Variants in SYNE1 observed in about 807,000 individuals in gnomAD.
SYNE1 encodes nesprin-1.
A neutral mutation model predicts 1,111.0 loss-of-function variants in SYNE1; 616 were observed. That is an observed-to-expected ratio of 0.55 (90% confidence interval 0.52 to 0.59). SYNE1 has a LOEUF of 0.59. Among genes scored for constraint, SYNE1 ranks in the 20% least tolerant of loss-of-function variants. The pLI is 0.00. For missense variants in SYNE1, 10,006 were observed against 10,417.0 expected, an observed-to-expected ratio of 0.96 and a Z score of 1.72; for synonymous variants, 3,855 against 3,825.8, an observed-to-expected ratio of 1.01 and a Z score of -0.28.
At chr6:152,535,250 A>C (rs918123620) in intron 4 of SYNE1, among the ~76,000 whole-genome samples, 1 of 152,214 alleles carries the variant, frequency 6.6e-6, no homozygotes, top group African/African-American at 2.4e-5. Context: ...TGAGATAACA[A>C]ATTTCTCATT....
At chr6:152,157,143 T>C (rs1471706258) in intron 131 of SYNE1, among the ~76,000 whole-genome samples, 3 of 152,160 alleles carry the variant, frequency 2.0e-5, no homozygotes, top group Non-Finnish European at 4.4e-5. Context: ...CATTCTTTTT[T>C]AAACAGTTAA....
intron 128 of SYNE1, among the ~76,000 whole-genome samples, chr6:152,183,608 AG>A (rs2068775490): frequency 1.3e-5 from 2 of 152,108 alleles, no homozygotes. Context: ...AAAAAGAAAA[AG>A]AATCGAAACT....
intron 81 of SYNE1, among the ~76,000 whole-genome samples, 156 bp downstream of exon 81, chr6:152,324,928 T>C (rs536219446): frequency 1.3e-5 from 2 of 152,378 alleles, no homozygotes; most frequent in South Asian, 4.1e-4. Context: ...TTTTGTACTT[T>C]GTTTCATAAC....
In SYNE1 at chr6:152,220,998, C is replaced by A; in HGVS notation, c.21705G>T (p.Lys7235Asn). 6.2e-7 allele frequency: 1 copy of A among 1,614,132 alleles called. No homozygotes were observed. ...EEIAEQLQSS[K>N]ALLQLWQRYK... is the part of the protein sequence containing the mutation. ...ATCTTTGCCAAAGCTGAAGTAGGGCCTTGCTGGACTGTAGCTGCTCAGCAA... is the reference window on the plus strand; with the variant it reads ...ATCTTTGCCAAAGCTGAAGTAGGGCATTGCTGGACTGTAGCTGCTCAGCAA... The change falls in exon 119 of 146, where the codon AAG becomes AAT. Residue 7235 changes from lysine to asparagine, a missense_variant. This residue lies in a region of SYNE1 where 2,182 missense variants were observed against 2,287.8 expected (regional missense o/e 0.95). Transcript: ENST00000367255.
chr6:152,499,479 C>T (rs1294261369), intron 10 of SYNE1, among the ~76,000 whole-genome samples: 1 of 151,834 alleles, frequency 6.6e-6, no homozygotes, highest in African/African-American at 2.4e-5. Context: ...ATCAAATACA[C>T]ACAAAAATGA....
At position 152,498,727 on chromosome 6, in the gene SYNE1, T is replaced by G. The variant is rs1415355633; in HGVS notation, c.939+15A>C. 6.5e-7 allele frequency: 1 copy of G among 1,540,376 alleles called. No individual in the cohort carries two copies. Among genetic ancestry groups the G allele is most frequent in the African/African-American group, 1.4e-5 (1 of 73,272 alleles). The stretch of plus-strand genomic sequence containing the variant: ...TTTGAAAGAGGTCATCAATGCAAGA[T>G]TACTTAAATCTTACCTTAAAATTTT... On this transcript the variant is annotated intron_variant, in intron 11 of 145. Coordinates refer to ENST00000367255, the MANE Select transcript of SYNE1 (RefSeq NM_182961.4).
chr6:152,136,884 G>A lies in SYNE1; in HGVS notation c.25459-66C>T, dbSNP rs2057212784. The A allele has an allele frequency of 5.1e-6, 8 of 1,554,204 alleles. No individual in the cohort carries two copies. The Admixed American group carries it at 1.3e-4, about 26-fold the overall frequency. On this transcript the variant is annotated intron_variant, in intron 140 of 145. Transcript: ENST00000367255. ...GACAAAGATATTTTCCCTTGAAAAT[G>A]TTTCACATGAATGAAAAGATCCATT...
chr6:152,305,505 T>C (rs768881640), intron 91 of SYNE1, among the ~76,000 whole-genome samples: 1 of 152,142 alleles, frequency 6.6e-6, no homozygotes, highest in Non-Finnish European at 1.5e-5. Context: ...CCTTGTGATC[T>C]GCCCGCCTTG....
rs200561474 is a variant in SYNE1, at chr6:152,596,258, TTTTG to T, written c.67+32003_67+32006del. ...GTTTTAAAAAGTTATGATTACAGTTTTTTGTTTGTTTGTTTTTTTTTTTTTTTGA... is the reference window on the plus strand; with the variant it reads ...GTTTTAAAAAGTTATGATTACAGTTTTTTGTTTGTTTTTTTTTTTTTTTGA... On this transcript the variant is annotated intron_variant, in intron 3 of 145. Coordinates refer to ENST00000367255, the MANE Select transcript of SYNE1 (RefSeq NM_182961.4). Among the ~76,000 whole-genome samples the T allele has an allele frequency of 2.2e-3, 273 of 124,524 alleles. 7 individuals carry two copies. The highest frequency in any genetic ancestry group is 0.015 in the South Asian group (57 of 3,896). The allele number at this position is 124,524 out of a possible 152,430, so 81.7% of individuals were successfully genotyped here.
intron 3 of SYNE1, among the ~76,000 whole-genome samples, chr6:152,602,461 A>G (rs1488694537): frequency 6.6e-6 from 1 of 152,176 alleles, no homozygotes; most frequent in African/African-American, 2.4e-5. Context: ...TCTAGCTTCT[A>G]GAACCAAGAG....
At chr6:152,264,206 CAAAAAAAAAAAAAAAA>C in intron 100 of SYNE1, among the ~76,000 whole-genome samples, 1 of 45,904 alleles carries the variant, frequency 2.2e-5, no homozygotes, top group Non-Finnish European at 3.7e-5. Context: ...GACTCCATCT[CAAAAAAAAAAAAAAAA>C]AAAAAAAAAA....
chr6:152,225,763 T>G lies in SYNE1; in HGVS notation c.21309A>C (p.Thr7103=). The G allele has an allele frequency of 6.2e-7, 1 of 1,614,168 alleles. No homozygotes were observed. Among genetic ancestry groups the G allele is most frequent in the Non-Finnish European group, 8.5e-7 (1 of 1,180,020 alleles). Residue 7103 remains threonine, a synonymous_variant, in exon 116 of 146, where the codon ACA becomes ACC. Transcript: ENST00000367255. ...CCCAGGTTTGGCCGAGCTCTCGCAG[T>G]GTGCTCATGACAATGCTAGAGACGT... The part of the protein sequence containing the change: ...KEDVSSIVMS[T]LRELGQTWAN...
At position 152,369,588 on chromosome 6, in the gene SYNE1, A is replaced by C; in HGVS notation, c.9534T>G (p.Phe3178Leu). Residue 3178 changes from phenylalanine to leucine, a missense_variant, in exon 60 of 146, where the codon TTT becomes TTG. By Grantham distance (22) the Phe-to-Leu change is conservative. Transcript: ENST00000367255. The part of the protein sequence containing the change: ...LENLKIQMKD[F>L]EVSAEPIQDW... ...CCTGGATAGGCTCAGCACTTACTTC[A>C]AAGTCCTTCATTTGGATCTTTAGAT... 1.2e-6 allele frequency: 2 copies of C among 1,614,154 alleles called. No homozygotes were observed. Among genetic ancestry groups the C allele is most frequent in the Non-Finnish European group, 1.7e-6 (2 of 1,180,020 alleles).
chr6:152,301,380 C>T (rs1193491366), intron 92 of SYNE1, among the ~76,000 whole-genome samples: 1 of 152,142 alleles, frequency 6.6e-6, no homozygotes, highest in African/African-American at 2.4e-5. Flanking sequence ...AATCCAAAGC[C>T]AAGCTTTAGA....
rs778487339 is a variant in SYNE1, at chr6:152,458,728, A to C, written c.2568+29T>G. 4.3e-6 allele frequency: 7 copies of C among 1,611,356 alleles called. No homozygotes were observed. The East Asian group carries it at 1.6e-4, about 36-fold the overall frequency. The stretch of plus-strand genomic sequence containing the variant: ...GGTCTTGTTACACATGCTTTAGAAT[A>C]ATTGTCTCCTGAAAAGGATTGTTCT... On this transcript the variant is annotated intron_variant, in intron 22 of 145. Transcript: ENST00000367255.
intron 66 of SYNE1, among the ~76,000 whole-genome samples, chr6:152,357,841 G>T (rs2096863818): frequency 6.6e-6 from 1 of 152,056 alleles, no homozygotes; most frequent in African/African-American, 2.4e-5. Context: ...ACCATGTCTG[G>T]CATCTCACCG....
intron 145 of SYNE1, chr6:152,128,570 A>G (rs1585546296): frequency 1.3e-5 from 2 of 152,378 alleles, no homozygotes; most frequent in East Asian, 3.9e-4. Context: ...ACTTTAAACA[A>G]CAACAAAGAA....
rs1217567556 is a variant in SYNE1 at position 152,456,010 on chromosome 6, GT to G, written c.2602del (p.Thr868ProfsTer2). On this transcript the variant is annotated frameshift_variant, in exon 23 of 146. Coordinates refer to ENST00000367255, the MANE Select transcript of SYNE1 (RefSeq NM_182961.4). LOFTEE classifies it high-confidence loss of function. ...LLACQENCKKTLTLIEKGSQS... is the reference protein window; with the variant it reads ...LLACQENCKKXLTLIEKGSQS... ...ACTGCCTTTCTCAATAAGTGTCAAG[GT>G]TTTCTTACAGTTTTCTTGACAAGCT... 6.2e-7 allele frequency: 1 copy of G among 1,613,876 alleles called. No individual in the cohort carries two copies. The highest frequency in any genetic ancestry group is 1.3e-5 in the African/African-American group (1 of 75,040).
chr6:152,408,279 T>C (rs2097935982), intron 44 of SYNE1, among the ~76,000 whole-genome samples: 1 of 152,222 alleles, frequency 6.6e-6, no homozygotes, highest in Non-Finnish European at 1.5e-5. Flanking sequence ...TTGATATCTA[T>C]ATTTCCAGAA....
Sources: allele counts gnomAD v4.1 joint callset (sites outside exome capture counted in the v4.1 genomes callset), GRCh38; gene constraint gnomAD v4.1.1; regional missense constraint gnomAD v4.1.1; transcripts MANE v1.5; gene names NCBI Gene and HGNC (gene_info 2026-07-23, HGNC 2026-07-21).